The following RALGPS1 variants were observed in gnomAD, a reference collection of about 807,000 sequenced individuals.
RALGPS1 encodes Ral GEF with PH domain and SH3 binding motif 1, also known as ras-specific guanine nucleotide-releasing factor RalGPS1.
In RALGPS1, 19 loss-of-function variants were observed where a neutral mutation model predicts 78.8. The observed-to-expected ratio is 0.24, with a 90% CI of 0.17 to 0.35. The LOEUF is 0.35. Ranked by LOEUF, RALGPS1 falls within the 10% of genes least tolerant of loss-of-function variation. RALGPS1 has a pLI of 1.00. For missense variants in RALGPS1, 454 were observed against 688.3 expected, an observed-to-expected ratio of 0.66 and a Z score of 3.81; for synonymous variants, 228 against 256.3, an observed-to-expected ratio of 0.89 and a Z score of 1.06.
intron 8 of RALGPS1, among the ~76,000 whole-genome samples, chr9:127,109,983 G>A (rs960784976): frequency 9.9e-5 from 15 of 152,180 alleles, no homozygotes; most frequent in African/African-American, 2.4e-4. Flanking sequence ...AGTCCTCACC[G>A]TCTCCCCAAC....
chr9:127,077,354 G>C (rs886406204), intron 8 of RALGPS1, among the ~76,000 whole-genome samples: 1 of 152,198 alleles, frequency 6.6e-6, no homozygotes, highest in Non-Finnish European at 1.5e-5. Context: ...TAAAACAGTT[G>C]TCAGAGAGTA....
At chr9:127,135,811 CTG>C (rs2057355865) in intron 8 of RALGPS1, among the ~76,000 whole-genome samples, 1 of 152,178 alleles carries the variant, frequency 6.6e-6, no homozygotes, top group Non-Finnish European at 1.5e-5. Flanking sequence ...CCGTAAATAA[CTG>C]TGGGGAAGGG....
At chr9:126,916,713 G>A (rs534371655) in intron 1 of RALGPS1, among the ~76,000 whole-genome samples, 2 of 152,226 alleles carry the variant, frequency 1.3e-5, no homozygotes, top group South Asian at 2.1e-4. Flanking sequence ...CGTGGGAGGC[G>A]GAGGTTGCAG....
At chr9:126,963,405 A>G (rs947665757) in intron 2 of RALGPS1, among the ~76,000 whole-genome samples, 1 of 152,206 alleles carries the variant, frequency 6.6e-6, no homozygotes, top group African/African-American at 2.4e-5. Context: ...GTGTATACAC[A>G]TTATACACAT....
intron 8 of RALGPS1, among the ~76,000 whole-genome samples, chr9:127,140,123 G>C (rs1331961549): frequency 6.6e-6 from 1 of 152,098 alleles, no homozygotes; most frequent in African/African-American, 2.4e-5. Context: ...TGGGAGGAAA[G>C]AAAAAGGGAG....
chr9:127,038,579 A>G (rs2047047932), intron 5 of RALGPS1, among the ~76,000 whole-genome samples: 2 of 152,154 alleles, frequency 1.3e-5, no homozygotes, highest in Non-Finnish European at 2.9e-5. Flanking sequence ...CTCTAGTTCT[A>G]TTCATTTATG....
At chr9:126,966,729 A>G (rs2039538275) in intron 3 of RALGPS1, among the ~76,000 whole-genome samples, 1 of 152,074 alleles carries the variant, frequency 6.6e-6, no homozygotes, top group Non-Finnish European at 1.5e-5. Flanking sequence ...TATTTTTATA[A>G]CAACCATTTT....
intron 8 of RALGPS1, among the ~76,000 whole-genome samples, chr9:127,078,182 C>T (rs1172624126): frequency 6.6e-6 from 1 of 152,180 alleles, no homozygotes; most frequent in African/African-American, 2.4e-5. Flanking sequence ...CTATCCCATC[C>T]AAAATGAAGG....
At position 127,212,362 on chromosome 9, in the gene RALGPS1, G is replaced by A. The variant is rs1197093396; in HGVS notation, c.1353+126G>A. The A allele has an allele frequency of 8.2e-6, 6 of 730,138 alleles. No homozygotes were observed. Among genetic ancestry groups the A allele is most frequent in the African/African-American group, 1.8e-5 (1 of 56,022 alleles). 45.2% of individuals were successfully genotyped at this position (730,138 alleles called of 1,614,324 possible). On this transcript the variant is annotated intron_variant, in intron 15 of 18. Coordinates refer to ENST00000259351, the MANE Select transcript of RALGPS1 (RefSeq NM_014636.3). The surrounding 1 kb of genome is among the most constrained non-coding windows in gnomAD (Gnocchi z 6.0). Reference sequence around the variant, plus strand: ...GCTCTGCTTGCAGTGGGCATGCAGCGAGCTGAACTCTCAGGAATTATACCT... The same window carrying A: ...GCTCTGCTTGCAGTGGGCATGCAGCAAGCTGAACTCTCAGGAATTATACCT...
At chr9:127,010,530 A>G (rs2044245196) in intron 4 of RALGPS1, among the ~76,000 whole-genome samples, 1 of 152,190 alleles carries the variant, frequency 6.6e-6, no homozygotes, top group South Asian at 2.1e-4. Context: ...GATGCCAGGA[A>G]TGGGTGCCAT....
At chr9:127,142,417 C>A (rs2057841168) in intron 8 of RALGPS1, among the ~76,000 whole-genome samples, 1 of 152,112 alleles carries the variant, frequency 6.6e-6, no homozygotes, top group Non-Finnish European at 1.5e-5. Context: ...AGTGATCCCA[C>A]CTAATTGTTT....
intron 4 of RALGPS1, among the ~76,000 whole-genome samples, chr9:127,015,422 C>A (rs1281942083): frequency 6.6e-6 from 1 of 152,170 alleles, no homozygotes; most frequent in Non-Finnish European, 1.5e-5. Context: ...ATACAGTAAG[C>A]AAACTGTTAG....
chr9:127,185,898 T>G (rs1412880203), intron 11 of RALGPS1, among the ~76,000 whole-genome samples: 1 of 152,192 alleles, frequency 6.6e-6, no homozygotes, highest in African/African-American at 2.4e-5. Flanking sequence ...AGGGAGGCTG[T>G]CAGTCAGGGT....
intron 14 of RALGPS1, among the ~76,000 whole-genome samples, chr9:127,204,987 C>T (rs1009412658): frequency 3.9e-5 from 6 of 152,182 alleles, no homozygotes; most frequent in African/African-American, 1.4e-4. Flanking sequence ...TGATAGGTCC[C>T]CTTGGCTGCA....
chr9:127,216,798 C>G, intron 18 of RALGPS1: 1 of 1,023,858 alleles, frequency 9.8e-7, no homozygotes, highest in Non-Finnish European at 1.3e-6. Context: ...GAAGAGCATC[C>G]TGGCCTCCTC....
At chr9:127,038,927 G>A (rs2047069851) in intron 5 of RALGPS1, among the ~76,000 whole-genome samples, 1 of 152,212 alleles carries the variant, frequency 6.6e-6, no homozygotes. Flanking sequence ...AAGAGTAAAA[G>A]AGGGTCCTCT....
At chr9:126,982,143 A>T (rs923152696) in intron 4 of RALGPS1, among the ~76,000 whole-genome samples, 1 of 152,242 alleles carries the variant, frequency 6.6e-6, no homozygotes, top group Non-Finnish European at 1.5e-5. Context: ...CTCAGAAGTC[A>T]CATACTGTCA....
At chr9:127,067,622 C>G (rs1192066194) in intron 7 of RALGPS1, among the ~76,000 whole-genome samples, 1 of 152,232 alleles carries the variant, frequency 6.6e-6, no homozygotes, top group African/African-American at 2.4e-5. Context: ...GAACACTGGC[C>G]TACGTCAGTC....
intron 1 of RALGPS1, among the ~76,000 whole-genome samples, chr9:126,920,696 G>C (rs1032431398): frequency 2.0e-5 from 3 of 152,206 alleles, no homozygotes; most frequent in Admixed American, 2.0e-4. Context: ...TCATTAACCT[G>C]CCTTGCTGGG....
Sources: gnomAD v4.1 joint callset for allele counts (sites outside exome capture counted in the v4.1 genomes callset) on GRCh38, gnomAD v4.1.1 for gene constraint, Gnocchi (gnomAD v3.1) non-coding constraint, MANE v1.5 for transcripts, NCBI Gene and HGNC (gene_info 2026-07-23, HGNC 2026-07-21) for gene names.